MYO1H: variants seen among roughly 807,000 people sequenced by gnomAD.
MYO1H encodes the protein unconventional myosin-Ih.
In MYO1H, 118 loss-of-function variants were observed where a neutral mutation model predicts 149.3. The observed-to-expected ratio is 0.79, with a 90% CI of 0.68 to 0.92. The LOEUF is 0.92. Ranked by LOEUF, MYO1H falls within the 40% of genes least tolerant of loss-of-function variation. The pLI is 0.00. For missense variants in MYO1H, 1,212 were observed against 1,280.7 expected (o/e 0.95, Z 0.82); for synonymous variants, 447 against 465.2 (o/e 0.96, Z 0.50).
At chr12:109,345,171 A>G (rs1648801348), upstream of MYO1H, among the ~76,000 whole-genome samples, 1 of 152,228 alleles carries the variant, frequency 6.6e-6, no homozygotes. Flanking sequence ...AAGACAACCT[A>G]CAGAATGAGA....
In MYO1H at chr12:109,401,360, A is replaced by G. The variant is rs1870151807; in HGVS notation, c.750+88A>G. 6 of 1,337,726 alleles carry G rather than the reference A, an allele frequency of 4.5e-6. No homozygotes were observed. The Admixed American group carries it at 1.5e-4, about 33-fold the overall frequency. The allele number at this position is 1,337,726 out of a possible 1,614,324, so 82.9% of individuals were successfully genotyped here. On this transcript the variant is annotated intron_variant, in intron 6 of 31. Transcript: ENST00000310903. The stretch of plus-strand genomic sequence containing the variant: ...CGTGCTGCTGTAGGATGTTTGAGAC[A>G]TTCTATTACCATCCTGCTATGTGTC...
At chr12:109,380,231 G>T (rs1869175437) in intron 1 of MYO1H, among the ~76,000 whole-genome samples, 1 of 152,102 alleles carries the variant, frequency 6.6e-6, no homozygotes, top group Non-Finnish European at 1.5e-5. Context: ...TTTACAGGAG[G>T]AGGATGAGAA....
chr12:109,331,074 A>G, the MYO1H span, among the ~76,000 whole-genome samples: 1 of 152,112 alleles, frequency 6.6e-6, no homozygotes, highest in Non-Finnish European at 1.5e-5. Context: ...AAAGACACTC[A>G]TTTTTGCTCA....
rs748534737 is a variant in MYO1H at position 109,434,997 on chromosome 12, C to T, written c.2064-40C>T. The stretch of plus-strand genomic sequence containing the variant: ...ACCGTTCAACCCACTAGATGGTAAA[C>T]TGACCAATTAATAACAAAAACATTT... On this transcript the variant is annotated intron_variant, in intron 20 of 31. Transcript: ENST00000310903. 3.6e-6 allele frequency: 5 copies of T among 1,393,804 alleles called. No individual in the cohort carries two copies. In the Admixed American group the frequency reaches 9.6e-5, roughly 27 times the overall value. The allele number at this position is 1,393,804 out of a possible 1,614,324, so 86.3% of individuals were successfully genotyped here.
intron 1 of MYO1H, among the ~76,000 whole-genome samples, chr12:109,364,876 A>T (rs978891526): frequency 6.6e-6 from 1 of 152,180 alleles, no homozygotes; most frequent in Admixed American, 6.5e-5. Context: ...GAATTAATAC[A>T]CAAGTATTAT....
the MYO1H span, among the ~76,000 whole-genome samples, chr12:109,337,999 G>T: frequency 6.6e-6 from 1 of 151,530 alleles, no homozygotes; most frequent in African/African-American, 2.4e-5. Context: ...TTTAGGGGTT[G>T]TCTGTATCAG....
intron 22 of MYO1H, among the ~76,000 whole-genome samples, chr12:109,438,086 T>TTAA (rs796923507): frequency 3.1e-5 from 3 of 96,918 alleles, no homozygotes; most frequent in African/African-American, 1.4e-4. Flanking sequence ...AGGCTCTGTC[T>TTAA]AAAAAAAAAA....
At chr12:109,361,813 CAAAAAA>C (rs35915417) in intron 1 of MYO1H, among the ~76,000 whole-genome samples, 2 of 56,872 alleles carry the variant, frequency 3.5e-5, no homozygotes, top group African/African-American at 1.4e-4. Flanking sequence ...CCTTGTCTCA[CAAAAAA>C]AAAAAAAAAA....
intron 20 of MYO1H, among the ~76,000 whole-genome samples, chr12:109,433,546 T>A (rs1369466432): frequency 6.6e-6 from 1 of 152,210 alleles, no homozygotes; most frequent in Non-Finnish European, 1.5e-5. Flanking sequence ...TGGTCAGGGT[T>A]AATGAGGTTG....
intron 10 of MYO1H, among the ~76,000 whole-genome samples, chr12:109,409,253 T>C (rs1286288884): frequency 0.035 from 3,541 of 102,190 alleles, 19 homozygotes; most frequent in Middle Eastern, 0.058. Context: ...CTTCTTTTTT[T>C]TTTTTTTTTT....
intron 10 of MYO1H, among the ~76,000 whole-genome samples, chr12:109,409,246 C>CTTTT (rs66507410): frequency 1.2e-3 from 58 of 47,852 alleles, no homozygotes; most frequent in African/African-American, 2.0e-3. Flanking sequence ...TCTTCTTCTT[C>CTTTT]TTTTTTTTTT....
intron 14 of MYO1H, 38 bp from the exon 15 acceptor site, chr12:109,415,488 A>G: frequency 6.4e-7 from 1 of 1,550,996 alleles, no homozygotes; most frequent in South Asian, 1.2e-5. Flanking sequence ...AAAAGAAAAG[A>G]AAAGAAAGTT....
intron 1 of MYO1H, among the ~76,000 whole-genome samples, chr12:109,375,303 C>A (rs1008734770): frequency 3.3e-5 from 5 of 152,112 alleles, no homozygotes; most frequent in Admixed American, 6.5e-5. Flanking sequence ...CAGGCGTGTA[C>A]CACCACATGC....
intron 1 of MYO1H, among the ~76,000 whole-genome samples, chr12:109,358,848 A>T (rs1354488480): frequency 2.3e-5 from 1 of 44,426 alleles, no homozygotes; most frequent in Non-Finnish European, 4.8e-5. Flanking sequence ...TGTGGTGTTA[A>T]AAAAAAAAAA....
At chr12:109,330,366 T>A in the MYO1H span, among the ~76,000 whole-genome samples, 1 of 152,194 alleles carries the variant, frequency 6.6e-6, no homozygotes, top group Non-Finnish European at 1.5e-5. Flanking sequence ...GATACTGTCG[T>A]TATTATAAAA....
In MYO1H at chr12:109,402,571, C is replaced by T. The variant is rs112097688; in HGVS notation, c.750+1299C>T. Among the ~76,000 whole-genome samples, 40 of 152,120 alleles carry T rather than the reference C, an allele frequency of 2.6e-4. 1 individual carries two copies. Among genetic ancestry groups the T allele is most frequent in the East Asian group, 9.6e-4 (5 of 5,184 alleles). On this transcript the variant is annotated intron_variant, in intron 6 of 31. Coordinates refer to ENST00000310903, the Ensembl canonical transcript of MYO1H. ...TCGCTTGAGTCCAGGAATTTAAGAC[C>T]GGCCTGGGCAATGTAGCAAGACCCC...
chr12:109,404,099 G>A lies in MYO1H; in HGVS notation c.849+19G>A, dbSNP rs1306611343. The A allele has an allele frequency of 1.3e-6, 2 of 1,567,432 alleles. No homozygotes were observed. Among genetic ancestry groups the A allele is most frequent in the South Asian group, 2.2e-5 (2 of 89,274 alleles). The stretch of plus-strand genomic sequence containing the variant: ...CCTCGAGGTACGTGCTTTTGCAGCA[G>A]AACTGATAGTTCCCCCTGGGACTGA... On this transcript the variant is annotated intron_variant, in intron 7 of 31. Transcript: ENST00000310903.
intron 16 of MYO1H, among the ~76,000 whole-genome samples, chr12:109,421,316 A>T (rs1401768052): frequency 6.6e-6 from 1 of 152,194 alleles, no homozygotes; most frequent in African/African-American, 2.4e-5. Context: ...GCTTACAGTC[A>T]GGAGTTGGGG....
At chr12:109,413,363 T>G (rs1327796495) in intron 14 of MYO1H, among the ~76,000 whole-genome samples, 1 of 152,202 alleles carries the variant, frequency 6.6e-6, no homozygotes, top group Admixed American at 6.5e-5. Context: ...ATTTTGTAAA[T>G]GATGCCATAA....
Sources: gnomAD v4.1 joint callset for allele counts (sites outside exome capture counted in the v4.1 genomes callset) on GRCh38, gnomAD v4.1.1 for gene constraint, MANE v1.5 for transcripts, NCBI Gene and HGNC (gene_info 2026-07-23, HGNC 2026-07-21) for gene names.